AK9: variants seen among roughly 807,000 people sequenced by gnomAD.
AK9 encodes adenylate kinase 9, also known as adenylate kinase domain containing 1.
A neutral mutation model predicts 239.6 loss-of-function variants in AK9; 191 were observed. The ratio of observed to expected loss-of-function variants is 0.80; its 90% CI spans 0.71 to 0.90. The LOEUF is 0.90. AK9 is among the 40% of genes least tolerant of loss of function. The pLI is 0.00. For missense variants in AK9, 1,995 were observed against 2,214.7 expected (o/e 0.90, Z 1.99); for synonymous variants, 689 against 721.0 (o/e 0.96, Z 0.71).
intron 27 of AK9, among the ~76,000 whole-genome samples, chr6:109,541,835 T>C (rs7767239): frequency 8.5e-5 from 13 of 152,282 alleles, no homozygotes; most frequent in Admixed American, 2.0e-4. Flanking sequence ...ACTCCTAGAG[T>C]TTCAAATTCA....
At position 109,493,317 on chromosome 6, in the gene AK9, T is replaced by A. The variant is rs1352908726; in HGVS notation, c.*52A>T. On this transcript the variant is annotated 3_prime_UTR_variant, in exon 41 of 41. Transcript: ENST00000424296. ...TTCAATCTACTTCTCTCAGTTTCCC[T>A]CTATCACTTTCAGATAACTCTTGAG... 4.5e-6 allele frequency: 7 copies of A among 1,558,110 alleles called. No homozygotes were observed. Among genetic ancestry groups the A allele is most frequent in the Non-Finnish European group, 6.2e-6 (7 of 1,136,460 alleles).
intron 5 of AK9, among the ~76,000 whole-genome samples, chr6:109,666,930 C>T (rs976646744): frequency 6.6e-6 from 1 of 152,150 alleles, no homozygotes; most frequent in Non-Finnish European, 1.5e-5. Flanking sequence ...AATGCCCAGA[C>T]TGGGGCTATT....
chr6:109,553,679 T>G (rs757233331), intron 24 of AK9, among the ~76,000 whole-genome samples: 13 of 152,218 alleles, frequency 8.5e-5, no homozygotes, highest in Admixed American at 1.3e-4. Context: ...TCTTCCTATT[T>G]GAATACCCTT....
At chr6:109,542,254 A>C in intron 26 of AK9, 83 bp from the exon 27 acceptor site, 1 of 1,319,866 alleles carries the variant, frequency 7.6e-7, no homozygotes, top group Non-Finnish European at 1.0e-6. Flanking sequence ...GTGAAAGTTA[A>C]AGAGGAGGAC....
At chr6:109,606,394 G>A (rs1346530993) in intron 17 of AK9, among the ~76,000 whole-genome samples, 1 of 152,140 alleles carries the variant, frequency 6.6e-6, no homozygotes, top group Non-Finnish European at 1.5e-5. Context: ...CAAGTACATG[G>A]TGCGAAGTAC....
chr6:109,628,286 A>G (rs1795764317), intron 12 of AK9, among the ~76,000 whole-genome samples: 2 of 152,146 alleles, frequency 1.3e-5, no homozygotes, highest in Admixed American at 1.3e-4. Flanking sequence ...CTCCTTTGAG[A>G]AGCTCTTGGC....
At chr6:109,560,813 A>G (rs1785661570) in intron 24 of AK9, among the ~76,000 whole-genome samples, 1 of 152,028 alleles carries the variant, frequency 6.6e-6, no homozygotes, top group Non-Finnish European at 1.5e-5. Flanking sequence ...TCTCCTCTTC[A>G]ATTTTCTGGA....
intron 12 of AK9, among the ~76,000 whole-genome samples, chr6:109,626,982 A>G (rs1323952282): frequency 6.6e-6 from 1 of 152,134 alleles, no homozygotes; most frequent in Non-Finnish European, 1.5e-5. Flanking sequence ...TTGTCTTATT[A>G]TAGCTTTTTT....
At chr6:109,579,481 T>C (rs1314150269) in intron 20 of AK9, 69 bp downstream of exon 20, 1 of 1,437,198 alleles carries the variant, frequency 7.0e-7, no homozygotes, top group Non-Finnish European at 9.5e-7. Flanking sequence ...TATAATTCAC[T>C]TGAAATACTG....
At chr6:109,652,030 G>A (rs1799034296) in intron 8 of AK9, among the ~76,000 whole-genome samples, 1 of 152,144 alleles carries the variant, frequency 6.6e-6, no homozygotes, top group African/African-American at 2.4e-5. Context: ...TAGAAAAAGA[G>A]GGAATCCTCC....
intron 25 of AK9, 39 bp downstream of exon 25, chr6:109,550,051 C>A (rs746906149): frequency 1.9e-6 from 3 of 1,590,172 alleles, no homozygotes; most frequent in Non-Finnish European, 2.6e-6. Flanking sequence ...CCAAAAAAAT[C>A]CTGTGGGAGC....
rs945579965 is a variant in AK9 at position 109,644,653 on chromosome 6, A to C, written c.795T>G (p.Ile265Met). 2.5e-6 allele frequency: 4 copies of C among 1,613,058 alleles called. No homozygotes were observed. The East Asian group carries it at 8.9e-5, about 36-fold the overall frequency. The stretch of plus-strand genomic sequence containing the variant: ...CTGCTGGTTTATTTCCATTTAGCTC[A>C]ATGAGATACTGGGGATTGTGTTCAG... ...VMAEHNPQYL[I>M]ELNGNKPAEE... The change falls in exon 9 of 41, where the codon ATT (isoleucine) becomes ATG (methionine). Residue 265 changes from isoleucine (I) to methionine (M), a missense_variant. By Grantham distance (10) the Ile-to-Met change is conservative. Transcript: ENST00000424296.
chr6:109,677,969 G>A (rs55839329), intron 1 of AK9, among the ~76,000 whole-genome samples: 139 of 152,176 alleles, frequency 9.1e-4, no homozygotes, highest in African/African-American at 3.3e-3. Flanking sequence ...ATTGCTGGTG[G>A]GAATATAAAA....
At position 109,542,170 on chromosome 6, in the gene AK9, A is replaced by G. The variant is rs760804005; in HGVS notation, c.3227T>C (p.Leu1076Pro). 1.3e-6 allele frequency: 2 copies of G among 1,583,836 alleles called. No individual in the cohort carries two copies. The highest frequency in any genetic ancestry group is 1.7e-6 in the Non-Finnish European group (2 of 1,169,532). ...KVEEENTKKQ[L>P]PEVQLTEEEE... ...TTCTTCTGTAAGTTGTACTTCTGGA[A>G]GCTAAAAACAAAAATCAGAAAACAA... is the stretch of plus-strand genomic sequence containing the variant. The change falls in exon 27 of 41, where the codon CTT becomes CCT. Residue 1076 changes from leucine to proline, a missense_variant and splice_region_variant. Around this residue, in one of 5 missense-constraint regions of AK9, gnomAD observed 1,290 missense variants for 1,392.7 expected, o/e 0.93. Transcript: ENST00000424296.
chr6:109,638,730 C>G (rs1024165026), intron 10 of AK9, among the ~76,000 whole-genome samples: 3 of 152,154 alleles, frequency 2.0e-5, no homozygotes, highest in African/African-American at 7.2e-5. Flanking sequence ...TATACATATG[C>G]CATGGTGGTC....
chr6:109,610,826 T>A (rs1793494415), intron 16 of AK9, among the ~76,000 whole-genome samples: 1 of 152,004 alleles, frequency 6.6e-6, no homozygotes, highest in Non-Finnish European at 1.5e-5. Flanking sequence ...ATTCCAGGAA[T>A]CAAGTGAAAG....
At chr6:109,611,444 T>C (rs771424432) in intron 16 of AK9, among the ~76,000 whole-genome samples, 1 of 152,196 alleles carries the variant, frequency 6.6e-6, no homozygotes, top group Non-Finnish European at 1.5e-5. Context: ...GCCTCTTCCT[T>C]CATACAGCAA....
At chr6:109,585,831 G>C in intron 18 of AK9, 85 bp downstream of exon 18, 1 of 1,268,492 alleles carries the variant, frequency 7.9e-7, no homozygotes, top group Non-Finnish European at 1.1e-6. Context: ...TCTAGGAAGA[G>C]TGGAGAGTTG....
intron 29 of AK9, among the ~76,000 whole-genome samples, chr6:109,526,401 C>T (rs540679922): frequency 7.9e-5 from 12 of 151,450 alleles, no homozygotes; most frequent in South Asian, 2.1e-4. Flanking sequence ...CAAGGAAGGC[C>T]GGAAAAGGGG....
Sources: allele counts gnomAD v4.1 joint callset (sites outside exome capture counted in the v4.1 genomes callset), GRCh38; gene constraint gnomAD v4.1.1; regional missense constraint gnomAD v4.1.1; transcripts MANE v1.5; gene names NCBI Gene and HGNC (gene_info 2026-07-23, HGNC 2026-07-21).